Variants in RIN3 observed in about 807,000 individuals in gnomAD.
RIN3 encodes the protein Ras and Rab interactor 3.
RIN3 carries 54 observed loss-of-function variants against 76.3 expected under a neutral mutation model. The observed-to-expected ratio is 0.71, with a 90% CI of 0.57 to 0.89. The LOEUF is 0.89. Ranked by LOEUF, RIN3 falls within the 40% of genes least tolerant of loss-of-function variation. RIN3 has a pLI of 0.00. For missense variants in RIN3, 1,256 were observed against 1,322.1 expected (o/e 0.95, Z 0.78); for synonymous variants, 576 against 564.0 (o/e 1.02, Z -0.30).
At chr14:92,615,266 A>T in intron 3 of RIN3, 141 bp from the exon 4 acceptor site, 1 of 708,958 alleles carries the variant, frequency 1.4e-6, no homozygotes, top group Admixed American at 2.0e-5. Flanking sequence ...GCTGATGTGT[A>T]TGGGGGCCGC....
rs1887026868 is a variant in RIN3, at chr14:92,641,824, G to A, written c.532+495G>A. On this transcript the variant is annotated intron_variant, in intron 5 of 9. Transcript: ENST00000216487. ...GAGTTCCTGAGGGGTAAAGAGGGGA[G>A]AGGAAAAGAAGAAGGGGAGGGAGGG... Among the ~76,000 whole-genome samples, 4 of 152,208 alleles carry A rather than the reference G, an allele frequency of 2.6e-5. No individual in the cohort carries two copies. In the South Asian group the frequency reaches 8.3e-4, roughly 32 times the overall value.
chr14:92,531,329 A>G (rs1896873878), intron 1 of RIN3, among the ~76,000 whole-genome samples: 1 of 152,236 alleles, frequency 6.6e-6, no homozygotes. Context: ...CATTCAGTCT[A>G]TGACAGCCAG....
intron 5 of RIN3, among the ~76,000 whole-genome samples, chr14:92,644,143 C>G (rs1887111469): frequency 6.6e-6 from 1 of 152,220 alleles, no homozygotes; most frequent in Non-Finnish European, 1.5e-5. Context: ...TGAGGGCTTT[C>G]TGCCTCTGAG....
intron 3 of RIN3, among the ~76,000 whole-genome samples, chr14:92,588,847 C>T (rs1884879864): frequency 6.6e-6 from 1 of 152,206 alleles, no homozygotes; most frequent in African/African-American, 2.4e-5. Flanking sequence ...CACCATAAAG[C>T]AGCACTCTCT....
At chr14:92,595,889 G>A (rs1231088296) in intron 3 of RIN3, among the ~76,000 whole-genome samples, 1 of 152,188 alleles carries the variant, frequency 6.6e-6, no homozygotes, top group African/African-American at 2.4e-5. Flanking sequence ...GCCACATTCT[G>A]ATGCCTGTCT....
At chr14:92,617,316 A>G (rs535354943) in intron 4 of RIN3, among the ~76,000 whole-genome samples, 97 of 152,176 alleles carry the variant, frequency 6.4e-4, no homozygotes, top group Middle Eastern at 6.8e-3. Context: ...AAAAACCAAA[A>G]TAAATAAATT....
intron 4 of RIN3, among the ~76,000 whole-genome samples, chr14:92,624,572 A>G (rs1353500353): frequency 1.3e-5 from 2 of 152,204 alleles, no homozygotes; most frequent in Non-Finnish European, 1.5e-5. Context: ...CGGAAAGCTA[A>G]ACAAGGTAGA....
chr14:92,682,258 C>T (rs567747036), intron 8 of RIN3, among the ~76,000 whole-genome samples: 4 of 152,266 alleles, frequency 2.6e-5, no homozygotes, highest in South Asian at 2.1e-4. Context: ...TACCCACCCC[C>T]GCCTCACCAC....
chr14:92,680,845 T>C (rs1888637875), intron 8 of RIN3, among the ~76,000 whole-genome samples: 1 of 152,222 alleles, frequency 6.6e-6, no homozygotes, highest in Non-Finnish European at 1.5e-5. Context: ...GGGTCTTACT[T>C]TCCTTGCAGC....
chr14:92,524,706 C>T (rs74072919), intron 1 of RIN3, among the ~76,000 whole-genome samples: 15,690 of 152,188 alleles, frequency 0.1, 2,681 homozygotes, highest in African/African-American at 0.36. Context: ...GAGCTTCGTG[C>T]CACTCTGGAA....
chr14:92,555,649 C>G, intron 1 of RIN3, 102 bp from the exon 2 acceptor site: 3 of 1,103,918 alleles, frequency 2.7e-6, no homozygotes, highest in Admixed American at 3.7e-5. Context: ...CACTGACTAC[C>G]TCATGCTGAA....
intron 3 of RIN3, among the ~76,000 whole-genome samples, chr14:92,583,737 A>G (rs1209671290): frequency 6.6e-6 from 1 of 152,240 alleles, no homozygotes; most frequent in Non-Finnish European, 1.5e-5. Flanking sequence ...TGCAAAGAAC[A>G]TGATCTCATT....
chr14:92,569,368 G>C (rs1204081734), intron 2 of RIN3, among the ~76,000 whole-genome samples: 1 of 152,148 alleles, frequency 6.6e-6, no homozygotes, highest in African/African-American at 2.4e-5. Flanking sequence ...CAACCAGAGA[G>C]GCAGGGCCTT....
intron 1 of RIN3, among the ~76,000 whole-genome samples, chr14:92,546,306 G>A (rs1897264369): frequency 6.6e-6 from 1 of 152,160 alleles, no homozygotes; most frequent in Admixed American, 6.6e-5. Context: ...TTCATGTAAT[G>A]TATCAGAATC....
At chr14:92,631,078 G>A (rs1300950883) in intron 4 of RIN3, among the ~76,000 whole-genome samples, 1 of 152,220 alleles carries the variant, frequency 6.6e-6, no homozygotes, top group African/African-American at 2.4e-5. Flanking sequence ...TGGCACAGAG[G>A]GGTGTTACAG....
At chr14:92,641,692 C>T (rs6575270) in intron 5 of RIN3, among the ~76,000 whole-genome samples, 5,824 of 152,256 alleles carry the variant, frequency 0.038, 389 homozygotes, top group African/African-American at 0.13. Context: ...GGCCCCTCAT[C>T]GGATGGAAAA....
chr14:92,567,960 G>T (rs1363492799), intron 2 of RIN3, among the ~76,000 whole-genome samples: 2 of 152,062 alleles, frequency 1.3e-5, no homozygotes, highest in Non-Finnish European at 2.9e-5. Context: ...TCTGTGCCAG[G>T]CATTTTATAT....
intron 1 of RIN3, among the ~76,000 whole-genome samples, chr14:92,553,609 G>C (rs935923358): frequency 1.3e-5 from 2 of 152,122 alleles, no homozygotes; most frequent in East Asian, 3.9e-4. Flanking sequence ...TGGTGACCTG[G>C]CTCCTTCTTC....
intron 2 of RIN3, among the ~76,000 whole-genome samples, chr14:92,557,376 A>T (rs944993866): frequency 6.6e-6 from 1 of 152,214 alleles, no homozygotes; most frequent in Non-Finnish European, 1.5e-5. Flanking sequence ...TGTTGAGCAC[A>T]CACGTTTTAT....
Sources: allele counts gnomAD v4.1 joint callset (sites outside exome capture counted in the v4.1 genomes callset), GRCh38; gene constraint gnomAD v4.1.1; transcripts MANE v1.5; gene names NCBI Gene and HGNC (gene_info 2026-07-23, HGNC 2026-07-21).